The following CACNA1B variants were observed in gnomAD, a reference collection of about 807,000 sequenced individuals.
CACNA1B encodes calcium voltage-gated channel subunit alpha1 B.
CACNA1B carries 70 observed loss-of-function variants against 247.2 expected under a neutral mutation model. The ratio of observed to expected loss-of-function variants is 0.28; its 90% CI spans 0.23 to 0.35. CACNA1B has a LOEUF of 0.35. Ranked by LOEUF, CACNA1B falls within the 10% of genes least tolerant of loss-of-function variation. CACNA1B has a pLI of 1.00. For missense variants in CACNA1B, 2,367 were observed against 3,197.4 expected (o/e 0.74, Z 6.26); for synonymous variants, 1,231 against 1,294.4 (o/e 0.95, Z 1.05).
intron 31 of CACNA1B, among the ~76,000 whole-genome samples, chr9:138,063,076 G>A (rs1360876194): frequency 1.3e-5 from 2 of 152,362 alleles, no homozygotes; most frequent in South Asian, 2.1e-4. Flanking sequence ...TCTGGAGTGC[G>A]TCAGGGCATC....
In CACNA1B at chr9:138,100,242, C is replaced by T. The variant is rs1162662858; in HGVS notation, c.5223-2469C>T. On this transcript the variant is annotated intron_variant, in intron 37 of 46. Coordinates refer to ENST00000371372, the MANE Select transcript of CACNA1B (RefSeq NM_000718.4). This position sits in a 1 kb window ranked among gnomAD's most constrained non-coding sequence, Gnocchi z 4.6. ...TCAGGCTGGAGAGGAGAGTGCATTG[C>T]AGAGGGGCTGCAAGGAAGGCTGAGA... Among the ~76,000 whole-genome samples the T allele has an allele frequency of 2.0e-5, 3 of 152,154 alleles. No homozygotes were observed. The highest frequency in any genetic ancestry group is 7.2e-5 in the African/African-American group (3 of 41,436).
In CACNA1B at chr9:138,073,327, C is replaced by T. The variant is rs1248898173; in HGVS notation, c.4675-161C>T. On this transcript the variant is annotated intron_variant, in intron 32 of 46. Transcript: ENST00000371372. This position sits in a 1 kb window ranked among gnomAD's most constrained non-coding sequence, Gnocchi z 6.4. ...TACTTCTGGAAGATTTTCTGGTGGCCGATTGCTGCTTAGACTGTGAAGCAG... is the reference window on the plus strand; with the variant it reads ...TACTTCTGGAAGATTTTCTGGTGGCTGATTGCTGCTTAGACTGTGAAGCAG... Among the ~76,000 whole-genome samples, 3 of 152,126 alleles carry T rather than the reference C, an allele frequency of 2.0e-5. No homozygotes were observed. The highest frequency in any genetic ancestry group is 2.9e-5 in the Non-Finnish European group (2 of 68,012).
rs918555826 is a variant in CACNA1B at position 137,950,460 on chromosome 9, G to A, written c.967-1814G>A. Among the ~76,000 whole-genome samples the A allele has an allele frequency of 6.6e-6, 1 of 152,240 alleles. No homozygotes were observed. The highest frequency in any genetic ancestry group is 2.4e-5 in the African/African-American group (1 of 41,462). On this transcript the variant is annotated intron_variant, in intron 6 of 46. Coordinates refer to ENST00000371372, the MANE Select transcript of CACNA1B (RefSeq NM_000718.4). The surrounding 1 kb of genome is among the most constrained non-coding windows in gnomAD (Gnocchi z 4.8). ...CTGGGGGGCCGTGATAACCCCTGCTGAGGAGGAACGTTCCACTTCCTACTT... is the reference window on the plus strand; with the variant it reads ...CTGGGGGGCCGTGATAACCCCTGCTAAGGAGGAACGTTCCACTTCCTACTT...
At position 137,891,737 on chromosome 9, in the gene CACNA1B, G is replaced by C; in HGVS notation, c.530+8854G>C. ...AGAAGAGGTGAGAAGGCAGGTGCTG[G>C]CTGTGGGGCTGTAGAGTGGAGGGGC... On this transcript the variant is annotated intron_variant, in intron 3 of 46. Coordinates refer to ENST00000371372, the MANE Select transcript of CACNA1B (RefSeq NM_000718.4). The surrounding 1 kb of genome is among the most constrained non-coding windows in gnomAD (Gnocchi z 4.3). 1 of 287,502 alleles carries C rather than the reference G, an allele frequency of 3.5e-6. No individual in the cohort carries two copies. The highest frequency in any genetic ancestry group is 6.8e-6 in the Non-Finnish European group (1 of 147,188). The allele number at this position is 287,502 out of a possible 1,614,324, so 17.8% of individuals were successfully genotyped here.
chr9:138,099,385 T>C (rs1220141652), intron 37 of CACNA1B, among the ~76,000 whole-genome samples: 1 of 152,168 alleles, frequency 6.6e-6, no homozygotes, highest in Non-Finnish European at 1.5e-5. Flanking sequence ...TGTGCGTGCA[T>C]GCCTGTGTGG....
At chr9:137,938,790 C>G (rs910556858) in intron 6 of CACNA1B, among the ~76,000 whole-genome samples, 2 of 152,060 alleles carry the variant, frequency 1.3e-5, no homozygotes, top group African/African-American at 4.8e-5. Flanking sequence ...ATGAGATAGA[C>G]AGGCCAGGCA....
chr9:137,960,163 CGTGTGTGG>C (rs1957996147), intron 10 of CACNA1B, among the ~76,000 whole-genome samples: 30 of 50,866 alleles, frequency 5.9e-4, no homozygotes, highest in Admixed American at 1.8e-3. Flanking sequence ...GCCTGAGGAA[CGTGTGTGG>C]CGGGGAGGGA....
Position 137,914,185 on chromosome 9 carries a change from TC to T in CACNA1B, c.623-466del, listed in dbSNP as rs1261471601. Among the ~76,000 whole-genome samples, 1 of 152,024 alleles carries T rather than the reference TC, an allele frequency of 6.6e-6. No individual in the cohort carries two copies. Among genetic ancestry groups the T allele is most frequent in the Non-Finnish European group, 1.5e-5 (1 of 67,944 alleles). ...GCTCCCAGCATTCTCTGCTCCTTCC[TC>T]CCAGGATCCCCTGCCCTTAGCTCCC... On this transcript the variant is annotated intron_variant, in intron 4 of 46. Transcript: ENST00000371372. The surrounding 1 kb of genome is among the most constrained non-coding windows in gnomAD (Gnocchi z 4.3).
chr9:138,035,461 C>CA (rs1174010067), intron 20 of CACNA1B, among the ~76,000 whole-genome samples: 9 of 149,748 alleles, frequency 6.0e-5, no homozygotes, highest in Non-Finnish European at 8.9e-5. Flanking sequence ...GAGACTGTCT[C>CA]AAAAAAAAAG....
chr9:138,070,390 G>C (rs1334855590), intron 32 of CACNA1B, among the ~76,000 whole-genome samples: 1 of 152,238 alleles, frequency 6.6e-6, no homozygotes, highest in African/African-American at 2.4e-5. Context: ...TGCCCCTAGA[G>C]GCAGTGGAGC....
chr9:137,983,973 G>A (rs1052948884), intron 12 of CACNA1B, among the ~76,000 whole-genome samples, 165 bp from the exon 13 acceptor site: 1 of 152,206 alleles, frequency 6.6e-6, no homozygotes, highest in Admixed American at 6.5e-5. Context: ...CAAGAGCTCA[G>A]TGTGAGGTGT....
intron 21 of CACNA1B, among the ~76,000 whole-genome samples, chr9:138,044,923 G>A (rs958251451): frequency 6.6e-6 from 1 of 152,246 alleles, no homozygotes; most frequent in Admixed American, 6.5e-5. Context: ...GGAGACAGAC[G>A]TGGACCCTGC....
chr9:138,011,385 G>GGCCT lies in CACNA1B; in HGVS notation c.2160+1309_2160+1312dup, dbSNP rs1294424598. Among the ~76,000 whole-genome samples the GGCCT allele has an allele frequency of 1.3e-5, 2 of 152,162 alleles. No individual in the cohort carries two copies. The highest frequency in any genetic ancestry group is 4.8e-5 in the African/African-American group (2 of 41,430). ...TTGGTGGCCCCCCTTTTGTGTAACT[G>GGCCT]GCCTCATTTAGGAATTTCTTCTCTG... On this transcript the variant is annotated intron_variant, in intron 17 of 46. Coordinates refer to ENST00000371372, the MANE Select transcript of CACNA1B (RefSeq NM_000718.4). This position sits in a 1 kb window ranked among gnomAD's most constrained non-coding sequence, Gnocchi z 4.2.
Position 138,010,538 on chromosome 9 carries a change from G to C in CACNA1B, c.2160+461G>C, listed in dbSNP as rs368233605. ...CCTCCGGATGACACAGTCCCCTCCT[G>C]GTCATGCTCTCCCCAGCCCTGGACA... On this transcript the variant is annotated intron_variant, in intron 17 of 46. Transcript: ENST00000371372. This position sits in a 1 kb window ranked among gnomAD's most constrained non-coding sequence, Gnocchi z 5.3. Among the ~76,000 whole-genome samples the C allele has an allele frequency of 1.6e-4, 25 of 152,274 alleles. No individual in the cohort carries two copies. Among genetic ancestry groups the C allele is most frequent in the East Asian group, 1.5e-3 (8 of 5,184 alleles).
chr9:138,074,990 C>T (rs1374584811), intron 34 of CACNA1B, among the ~76,000 whole-genome samples: 1 of 152,168 alleles, frequency 6.6e-6, no homozygotes, highest in Non-Finnish European at 1.5e-5. Context: ...TTAGAAAGAA[C>T]ACATTGTCAG....
chr9:138,091,381 A>T (rs1040106185), intron 36 of CACNA1B, among the ~76,000 whole-genome samples: 1 of 152,230 alleles, frequency 6.6e-6, no homozygotes, highest in Non-Finnish European at 1.5e-5. Flanking sequence ...TACTAGAGGC[A>T]GGGAAGGTTA....
Position 138,118,741 on chromosome 9 carries a change from C to T in CACNA1B, c.6003C>T (p.Ser2001=), listed in dbSNP as rs1399632785. Residue 2001 remains serine, a synonymous_variant, in exon 44 of 47, where the codon TCC becomes TCT. Coordinates refer to ENST00000371372, the MANE Select transcript of CACNA1B (RefSeq NM_000718.4). ...TGGAGAGCCAGGGTCGAGCGGCCTC[C>T]ATGCCCCGCCTTGCGGCCGAGACTC... ...PGLESQGRAA[S]MPRLAAETQP... 1.3e-6 allele frequency: 2 copies of T among 1,536,612 alleles called. No homozygotes were observed. The highest frequency in any genetic ancestry group is 8.8e-7 in the Non-Finnish European group (1 of 1,136,524).
intron 35 of CACNA1B, among the ~76,000 whole-genome samples, chr9:138,076,546 C>T (rs746035524): frequency 1.2e-4 from 18 of 152,218 alleles, no homozygotes; most frequent in South Asian, 6.2e-4. Flanking sequence ...GCACAAGCTT[C>T]GGGGCCTTCT....
intron 6 of CACNA1B, among the ~76,000 whole-genome samples, chr9:137,931,222 T>C (rs1957603559): frequency 6.6e-6 from 1 of 151,990 alleles, no homozygotes; most frequent in Non-Finnish European, 1.5e-5. Flanking sequence ...CATTCCATAG[T>C]GTGGGATCGG....
Sources: gnomAD v4.1 joint callset for allele counts (sites outside exome capture counted in the v4.1 genomes callset) on GRCh38, gnomAD v4.1.1 for gene constraint, Gnocchi (gnomAD v3.1) non-coding constraint, MANE v1.5 for transcripts, NCBI Gene and HGNC (gene_info 2026-07-23, HGNC 2026-07-21) for gene names.